NCOA2: variants seen among roughly 807,000 people sequenced by gnomAD.
NCOA2 encodes nuclear receptor coactivator 2.
NCOA2 carries 21 observed loss-of-function variants against 145.1 expected under a neutral mutation model. The ratio of observed to expected loss-of-function variants is 0.14; its 90% confidence interval spans 0.10 to 0.21. NCOA2 has a LOEUF of 0.21. Ranked by LOEUF, NCOA2 falls within the 10% of genes least tolerant of loss-of-function variation. The pLI, the probability that NCOA2 is intolerant of heterozygous loss-of-function variation, is 1.00. For missense variants in NCOA2, 1,472 were observed against 1,837.6 expected, an observed-to-expected ratio of 0.80 and a Z score of 3.64; for synonymous variants, 619 against 637.5, an observed-to-expected ratio of 0.97 and a Z score of 0.44.
chr8:70,113,638 A>G lies in NCOA2; in HGVS notation c.4389T>C (p.Tyr1463=). 1 of 1,551,958 alleles carries G rather than the reference A, an allele frequency of 6.4e-7. No individual in the cohort carries two copies. The highest frequency in any genetic ancestry group is 1.7e-4 in the Middle Eastern group (1 of 5,992). The part of the protein sequence containing the change: ...IKQEGDTTRK[Y]C Reference sequence around the variant, plus strand: ...GCAACTGGCTTCAGCAGTGTCAGCAATATTTCTGTAGGAAAACAGATAAAA... The same window carrying G: ...GCAACTGGCTTCAGCAGTGTCAGCAGTATTTCTGTAGGAAAACAGATAAAA... The change falls in exon 23 of 23, where the codon TAT becomes TAC. Residue 1463 remains tyrosine (Y), a synonymous_variant. Coordinates refer to ENST00000452400, the MANE Select transcript of NCOA2 (RefSeq NM_006540.4).
At position 70,326,644 on chromosome 8, in the gene NCOA2, C is replaced by CA. The variant is rs1344333421; in HGVS notation, c.-76-29845dup. Among the ~76,000 whole-genome samples, 4 of 152,210 alleles carry CA rather than the reference C, an allele frequency of 2.6e-5. No homozygotes were observed. The East Asian group carries it at 7.7e-4, about 29-fold the overall frequency. ...ATAACAAATCATGGAGATCATTGGT[C>CA]ACGGCCTCCAGTGATCCAGTGTTGA... On this transcript the variant is annotated intron_variant, in intron 1 of 22. Coordinates refer to ENST00000452400, the MANE Select transcript of NCOA2 (RefSeq NM_006540.4).
At chr8:70,259,010 C>G (rs1299563974) in intron 2 of NCOA2, among the ~76,000 whole-genome samples, 1 of 152,220 alleles carries the variant, frequency 6.6e-6, no homozygotes, top group Non-Finnish European at 1.5e-5. Context: ...TCCAACCAAA[C>G]TCATACTGTG....
At chr8:70,158,653 G>A (rs548702417) in intron 10 of NCOA2, among the ~76,000 whole-genome samples, 1 of 152,186 alleles carries the variant, frequency 6.6e-6, no homozygotes, top group Non-Finnish European at 1.5e-5. Context: ...TCAGGAGGTG[G>A]AGGCACAAGA....
intron 4 of NCOA2, among the ~76,000 whole-genome samples, chr8:70,194,489 G>C (rs985106371): frequency 1.3e-5 from 2 of 152,128 alleles, no homozygotes; most frequent in Non-Finnish European, 2.9e-5. Flanking sequence ...TCGCACAAGT[G>C]AAGATGGACA....
rs1281664720 is a variant in NCOA2, at chr8:70,156,883, A to G, written c.1482T>C (p.Pro494=). 1 of 1,614,010 alleles carries G rather than the reference A, an allele frequency of 6.2e-7. No homozygotes were observed. The highest frequency in any genetic ancestry group is 8.5e-7 in the Non-Finnish European group (1 of 1,179,880). Residue 494 remains proline (P), a synonymous_variant, in exon 11 of 23, where the codon CCT becomes CCC. Transcript: ENST00000452400. Reference sequence around the variant, plus strand: ...GGATTCGAGGGCTGCCAGCCACTCCAGGGCTCATGCGATGCCTTGGTGAAA... The same window carrying G: ...GGATTCGAGGGCTGCCAGCCACTCCGGGGCTCATGCGATGCCTTGGTGAAA... ...SMLSPRHRMS[P]GVAGSPRIPP...
intron 1 of NCOA2, among the ~76,000 whole-genome samples, chr8:70,382,537 T>C (rs915679389): frequency 6.6e-6 from 1 of 152,222 alleles, no homozygotes; most frequent in Non-Finnish European, 1.5e-5. Context: ...CCAACAGTTT[T>C]ATCTAGATAC....
intron 1 of NCOA2, among the ~76,000 whole-genome samples, chr8:70,377,503 G>A (rs1396312832): frequency 1.3e-5 from 2 of 151,922 alleles, no homozygotes; most frequent in East Asian, 1.9e-4. Context: ...TGGCAATTCT[G>A]AGCCATCTTT....
chr8:70,271,944 TAC>T (rs1176814574), intron 2 of NCOA2, among the ~76,000 whole-genome samples: 1 of 152,024 alleles, frequency 6.6e-6, no homozygotes, highest in African/African-American at 2.4e-5. Flanking sequence ...GGAAAAACTG[TAC>T]AGATATCCCA....
chr8:70,410,772 A>G, the NCOA2 span, among the ~76,000 whole-genome samples: 1 of 152,268 alleles, frequency 6.6e-6, no homozygotes, highest in East Asian at 1.9e-4. Context: ...AATGAATTTT[A>G]GAAGCATTTT....
intron 1 of NCOA2, among the ~76,000 whole-genome samples, chr8:70,384,685 C>T (rs989076801): frequency 2.0e-5 from 3 of 151,844 alleles, no homozygotes; most frequent in African/African-American, 7.3e-5. Context: ...TTAAAATAAC[C>T]CCCAAATTTT....
chr8:70,410,639 G>A, the NCOA2 span, among the ~76,000 whole-genome samples: 1 of 152,160 alleles, frequency 6.6e-6, no homozygotes, highest in Admixed American at 6.5e-5. Flanking sequence ...ATTCATGATA[G>A]TGAAAACCTG....
chr8:70,113,764 C>A, intron 22 of NCOA2, 121 bp from the exon 23 acceptor site: 1 of 948,902 alleles, frequency 1.1e-6, no homozygotes, highest in East Asian at 2.6e-5. Context: ...TCACAGAGGC[C>A]GCATCTGGAT....
At chr8:70,129,232 G>A (rs1808802445) in intron 16 of NCOA2, among the ~76,000 whole-genome samples, 1 of 152,118 alleles carries the variant, frequency 6.6e-6, no homozygotes, top group East Asian at 1.9e-4. Context: ...TCTTCCAAGG[G>A]AAGGGGAAAA....
At chr8:70,400,042 A>C (rs1814084838) in intron 1 of NCOA2, among the ~76,000 whole-genome samples, 1 of 152,204 alleles carries the variant, frequency 6.6e-6, no homozygotes, top group African/African-American at 2.4e-5. Flanking sequence ...ACAACTAAGG[A>C]GCATTACCCC....
chr8:70,282,779 T>C (rs16936875), intron 2 of NCOA2, among the ~76,000 whole-genome samples: 7,511 of 152,026 alleles, frequency 0.049, 273 homozygotes, highest in East Asian at 0.16. Flanking sequence ...TCGTTCAATA[T>C]TGCTAATAAG....
chr8:70,336,057 A>G (rs1807559758), intron 1 of NCOA2, among the ~76,000 whole-genome samples: 1 of 152,176 alleles, frequency 6.6e-6, no homozygotes, highest in Non-Finnish European at 1.5e-5. Flanking sequence ...GCAGGACTGG[A>G]AGATGCTGGG....
chr8:70,358,328 A>G (rs1030201255), intron 1 of NCOA2, among the ~76,000 whole-genome samples: 3 of 152,218 alleles, frequency 2.0e-5, no homozygotes, highest in African/African-American at 7.2e-5. Context: ...AAAGAAGAAC[A>G]AAGTTGAAGA....
intron 5 of NCOA2, among the ~76,000 whole-genome samples, chr8:70,173,798 AGATTTTCATAGAATTAG>A (rs1814519962): frequency 6.6e-6 from 1 of 151,902 alleles, no homozygotes. Flanking sequence ...ATTTTATGGT[AGATTTTCATAGAATTAG>A]ATTTTCTAAA....
intron 9 of NCOA2, 64 bp downstream of exon 9, chr8:70,162,647 A>C (rs1196077662): frequency 6.6e-7 from 1 of 1,511,568 alleles, no homozygotes; most frequent in Non-Finnish European, 9.0e-7. Flanking sequence ...GAACTCCAGG[A>C]ATCATTGACA....
Sources: gnomAD v4.1 joint callset for allele counts (sites outside exome capture counted in the v4.1 genomes callset) on GRCh38, gnomAD v4.1.1 for gene constraint, MANE v1.5 for transcripts, NCBI Gene and HGNC (gene_info 2026-07-23, HGNC 2026-07-21) for gene names.